Variants in ADH4 observed in about 807,000 individuals in gnomAD.
ADH4 encodes all-trans-retinol dehydrogenase [NAD(+)] ADH4.
ADH4 carries 31 observed loss-of-function variants against 35.2 expected under a neutral mutation model. The observed-to-expected ratio is 0.88, with a 90% confidence interval of 0.66 to 1.19. ADH4 has a LOEUF of 1.19. Ranked by LOEUF, ADH4 falls within the 50% of genes most tolerant of loss-of-function variation. ADH4 has a pLI of 0.00. For missense variants in ADH4, 476 were observed against 458.3 expected (o/e 1.04, Z -0.35); for synonymous variants, 171 against 160.2 (o/e 1.07, Z -0.51).
At chr4:99,140,524 A>C (rs1246361223) in intron 3 of ADH4, among the ~76,000 whole-genome samples, 1 of 152,034 alleles carries the variant, frequency 6.6e-6, no homozygotes, top group Non-Finnish European at 1.5e-5. Flanking sequence ...CAGTGAGCCA[A>C]GATCGTGCCA....
intron 4 of ADH4, among the ~76,000 whole-genome samples, chr4:99,138,796 C>T (rs921804665): frequency 1.3e-5 from 2 of 152,160 alleles, no homozygotes; most frequent in African/African-American, 4.8e-5. Context: ...GTCCATTGTG[C>T]TACTACATAG....
intron 6 of ADH4, among the ~76,000 whole-genome samples, chr4:99,128,580 A>G (rs796544634): frequency 6.6e-6 from 1 of 152,222 alleles, no homozygotes; most frequent in Non-Finnish European, 1.5e-5. Flanking sequence ...TTTGTGTAAT[A>G]TAAAATCTGA....
At chr4:99,126,456 T>G (rs1729091965) in intron 8 of ADH4, 138 bp downstream of exon 8, 7 of 756,668 alleles carry the variant, frequency 9.3e-6, no homozygotes, top group Non-Finnish European at 1.4e-5. Context: ...TGACCACTAT[T>G]TAATCTTTTA....
At chr4:99,125,184 G>A (rs1328989795) in intron 8 of ADH4, among the ~76,000 whole-genome samples, 1 of 152,150 alleles carries the variant, frequency 6.6e-6, no homozygotes, top group Non-Finnish European at 1.5e-5. Context: ...GTGGTAGGAG[G>A]GCCTGCCCTC....
intron 4 of ADH4, among the ~76,000 whole-genome samples, chr4:99,137,376 T>G (rs13108745): frequency 0.21 from 31,831 of 151,910 alleles, 3,983 homozygotes; most frequent in Non-Finnish European, 0.28. Flanking sequence ...TCCACCCGCC[T>G]CAGCCTCCCA....
chr4:99,127,831 C>CAA (rs70955969), intron 6 of ADH4, among the ~76,000 whole-genome samples: 19 of 125,912 alleles, frequency 1.5e-4, no homozygotes, highest in Non-Finnish European at 1.5e-4. Context: ...GACTCTGTCT[C>CAA]AAAAAAAAAA....
At chr4:99,133,799 G>C (rs1729356629) in intron 5 of ADH4, 1 of 152,128 alleles carries the variant, frequency 6.6e-6, no homozygotes, top group Admixed American at 6.6e-5. Context: ...CAGAAAATCT[G>C]CTCAAGGTAA....
intron 1 of ADH4, 37 bp downstream of exon 1, chr4:99,144,168 A>G: frequency 5.0e-6 from 8 of 1,611,668 alleles, no homozygotes; most frequent in Non-Finnish European, 6.8e-6. Flanking sequence ...GACACAGAAA[A>G]GCACAAACTG....
chr4:99,139,208 A>T, intron 3 of ADH4, 60 bp from the exon 4 acceptor site: 1 of 1,136,294 alleles, frequency 8.8e-7, no homozygotes, highest in Non-Finnish European at 1.3e-6. Context: ...CTTCTACCAG[A>T]TAAATCAGTG....
intron 2 of ADH4, 76 bp from the exon 3 acceptor site, chr4:99,141,758 C>A: frequency 7.2e-7 from 1 of 1,391,074 alleles, no homozygotes; most frequent in Non-Finnish European, 9.7e-7. Flanking sequence ...TAAGATTAGG[C>A]TTGATATCAT....
chr4:99,133,272 C>A (rs1729342539), intron 5 of ADH4, among the ~76,000 whole-genome samples: 1 of 152,102 alleles, frequency 6.6e-6, no homozygotes, highest in Admixed American at 6.6e-5. Flanking sequence ...CCACAATTTG[C>A]AAGTGAGTCT....
At position 99,127,306 on chromosome 4, in the gene ADH4, T is replaced by C. The variant is rs767318009; in HGVS notation, c.882A>G (p.Ser294=). The change falls in exon 7 of 9, where the codon TCA becomes TCG. Residue 294 remains serine, a synonymous_variant. Transcript: ENST00000265512. ...ALDCTTAGWG[S]CTFIGVAAGS... The stretch of plus-strand genomic sequence containing the variant: ...CAGCAGCTACTCCAATGAAAGTACA[T>C]GATCCCCAGCCTGCGGTTGTACAGT... 1 of 1,612,550 alleles carries C rather than the reference T, an allele frequency of 6.2e-7. No homozygotes were observed. The highest frequency in any genetic ancestry group is 1.1e-5 in the South Asian group (1 of 90,856).
chr4:99,139,472 C>T (rs17817868), intron 3 of ADH4, among the ~76,000 whole-genome samples: 31,970 of 152,010 alleles, frequency 0.21, 4,036 homozygotes, highest in Non-Finnish European at 0.29. Flanking sequence ...ACACCATGTA[C>T]GAAACATAAC....
chr4:99,128,003 C>CTTTTT lies in ADH4; in HGVS notation c.844-664_844-660dup, dbSNP rs531060104. On this transcript the variant is annotated intron_variant, in intron 6 of 8. Transcript: ENST00000265512. ...CCCAGCCAAATCTATCGTTGTGTGACTTTTTTTTTTTTGACAAATAAGACT... is the reference window on the plus strand; with the variant it reads ...CCCAGCCAAATCTATCGTTGTGTGACTTTTTTTTTTTTTTTTTGACAAATAAGACT... 4.9e-3 allele frequency among the ~76,000 whole-genome samples: 714 copies of CTTTTT among 146,788 alleles called. 3 individuals are homozygous for CTTTTT. The highest frequency in any genetic ancestry group is 9.8e-3 in the Admixed American group (145 of 14,756).
At position 99,131,719 on chromosome 4, in the gene ADH4, C is replaced by T; in HGVS notation, c.628G>A (p.Gly210Ser). Residue 210 changes from glycine (G) to serine (S), a missense_variant, in exon 6 of 9, where the codon GGT becomes AGT. Physicochemically the swap from Gly to Ser is moderately conservative, Grantham distance 56. Transcript: ENST00000265512. ...TCAVFGLGGV[G>S]LSAVMGCKAA... ...TTACAACCCATTACAGCAGAAAGAC[C>T]CACACCTCCTAGGCCAAAGACAGCA... The T allele has an allele frequency of 6.2e-7, 1 of 1,614,134 alleles. No homozygotes were observed. Among genetic ancestry groups the T allele is most frequent in the Non-Finnish European group, 8.5e-7 (1 of 1,180,012 alleles).
rs1372050592 is a variant in ADH4, at chr4:99,124,225, T to C, written c.*217A>G. 4 of 441,278 alleles carry C rather than the reference T, an allele frequency of 9.1e-6. No homozygotes were observed. Among genetic ancestry groups the C allele is most frequent in the Non-Finnish European group, 1.6e-5 (4 of 250,720 alleles). 27.3% of individuals were successfully genotyped at this position (441,278 alleles called of 1,614,324 possible). ...AATTTCTAAAGATGATATGATTCTA[T>C]TCATAAACACTAGTTATTATTATTA... On this transcript the variant is annotated 3_prime_UTR_variant, in exon 9 of 9. Coordinates refer to ENST00000265512, the MANE Select transcript of ADH4 (RefSeq NM_000670.5).
At chr4:99,130,010 C>A (rs7692974) in intron 6 of ADH4, among the ~76,000 whole-genome samples, 24,552 of 152,120 alleles carry the variant, frequency 0.16, 2,800 homozygotes, top group African/African-American at 0.29. Context: ...TTTCTGGTAA[C>A]TGACTTAAGA....
At chr4:99,129,415 A>T (rs1447311956) in intron 6 of ADH4, among the ~76,000 whole-genome samples, 1 of 152,168 alleles carries the variant, frequency 6.6e-6, no homozygotes, top group African/African-American at 2.4e-5. Context: ...AAAATTTTGT[A>T]TGTGATTAAA....
chr4:99,143,649 T>A (rs921343961), intron 1 of ADH4, among the ~76,000 whole-genome samples: 1 of 152,166 alleles, frequency 6.6e-6, no homozygotes, highest in African/African-American at 2.4e-5. Context: ...GTTACATAAT[T>A]TTGAATTATG....
Sources: allele counts gnomAD v4.1 joint callset (sites outside exome capture counted in the v4.1 genomes callset), GRCh38; gene constraint gnomAD v4.1.1; transcripts MANE v1.5; gene names NCBI Gene and HGNC (gene_info 2026-07-23, HGNC 2026-07-21).